Variants in ADAM22 observed in about 807,000 individuals in gnomAD.
ADAM22 encodes ADAM metallopeptidase domain 22.
In ADAM22, 65 loss-of-function variants were observed where a neutral mutation model predicts 144.6. The ratio of observed to expected loss-of-function variants is 0.45; its 90% confidence interval spans 0.37 to 0.55. The LOEUF (loss-of-function observed/expected upper bound fraction) is 0.55. Ranked by LOEUF, ADAM22 falls within the 20% of genes least tolerant of loss-of-function variation. The pLI is 0.00. For missense variants in ADAM22, 974 were observed against 1,184.9 expected (o/e 0.82, Z 2.61); for synonymous variants, 391 against 412.6 (o/e 0.95, Z 0.63).
intron 3 of ADAM22, among the ~76,000 whole-genome samples, chr7:88,022,364 A>G (rs1343628912): frequency 1.3e-5 from 2 of 152,196 alleles, no homozygotes; most frequent in Non-Finnish European, 2.9e-5. Flanking sequence ...GCAAACTAAA[A>G]TTCAATGTTT....
Position 88,075,586 on chromosome 7 carries a change from T to C in ADAM22, c.324-40T>C, listed in dbSNP as rs185091594. The C allele has an allele frequency of 6.8e-3, 10,701 of 1,572,276 alleles. 61 individuals are homozygous for C. Among genetic ancestry groups the C allele is most frequent in the Non-Finnish European group, 8.6e-3 (9,780 of 1,143,040 alleles). On this transcript the variant is annotated intron_variant, in intron 3 of 31. Coordinates refer to ENST00000413139, the MANE Select transcript of ADAM22 (RefSeq NM_001324418.2). ...TCCTGATTTTCGTGTTTTACATTTT[T>C]GGGATCCTCTTTAGTCATCATTTAT... is the stretch of plus-strand genomic sequence containing the variant.
rs1333646080 is a variant in ADAM22, at chr7:88,199,201, A to T, written c.*2710A>T. ...TTTTGGAGAGAAACTTTGAGGCCGT[A>T]TCACAGTTTATATCATGCAACTAAT... is the stretch of plus-strand genomic sequence containing the variant. On this transcript the variant is annotated 3_prime_UTR_variant, in exon 32 of 32. Coordinates refer to ENST00000413139, the MANE Select transcript of ADAM22 (RefSeq NM_001324418.2). 6.6e-6 allele frequency: 1 copy of T among 152,228 alleles called. No individual in the cohort carries two copies. The highest frequency in any genetic ancestry group is 2.4e-5 in the African/African-American group (1 of 41,460). 9.4% of individuals were successfully genotyped at this position (152,228 alleles called of 1,614,324 possible). A position where few individuals can be genotyped will look rare whatever the true frequency, so the allele number is the denominator to read the frequency against.
intron 2 of ADAM22, among the ~76,000 whole-genome samples, chr7:87,974,386 G>A (rs751031015): frequency 7.9e-5 from 12 of 152,098 alleles, no homozygotes; most frequent in Non-Finnish European, 1.8e-4. Context: ...CAGAAACATG[G>A]GGAAGGTAGG....
chr7:88,077,835 A>G (rs964761590), intron 4 of ADAM22, among the ~76,000 whole-genome samples: 6 of 152,198 alleles, frequency 3.9e-5, no homozygotes, highest in South Asian at 2.1e-4. Context: ...TAGGTAAACA[A>G]AGCAGCCCAG....
intron 7 of ADAM22, among the ~76,000 whole-genome samples, chr7:88,122,004 G>A (rs1829423214): frequency 6.6e-6 from 1 of 152,148 alleles, no homozygotes; most frequent in South Asian, 2.1e-4. Flanking sequence ...AGTTTCTGTG[G>A]ATCAGGAGTC....
intron 2 of ADAM22, among the ~76,000 whole-genome samples, chr7:87,953,541 T>C (rs1183714400): frequency 2.1e-4 from 32 of 149,778 alleles, no homozygotes; most frequent in South Asian, 4.2e-4. Flanking sequence ...TTACATTTGC[T>C]GAGGAGAGCT....
chr7:88,052,290 GA>G (rs1806662761), intron 3 of ADAM22, among the ~76,000 whole-genome samples: 1 of 149,502 alleles, frequency 6.7e-6, no homozygotes, highest in Admixed American at 6.7e-5. Context: ...GAGGTCAGGA[GA>G]TCGAGACCAT....
intron 4 of ADAM22, among the ~76,000 whole-genome samples, chr7:88,097,151 CT>C (rs1169759079): frequency 1.0e-3 from 135 of 129,192 alleles, no homozygotes; most frequent in East Asian, 1.6e-3. Flanking sequence ...TTTTTCTTTT[CT>C]TTTTTTTTTT....
chr7:88,054,500 C>G (rs1193131073), intron 3 of ADAM22, among the ~76,000 whole-genome samples: 1 of 151,984 alleles, frequency 6.6e-6, no homozygotes, highest in Non-Finnish European at 1.5e-5. Flanking sequence ...TCAGATCTAT[C>G]ATACATTCAT....
chr7:88,029,110 G>T (rs1429722526), intron 3 of ADAM22, among the ~76,000 whole-genome samples: 2 of 151,662 alleles, frequency 1.3e-5, no homozygotes, highest in African/African-American at 2.4e-5. Flanking sequence ...ATAAATAAGG[G>T]CTTATTTCTG....
At chr7:88,161,902 T>G (rs1428042464) in intron 22 of ADAM22, among the ~76,000 whole-genome samples, 2 of 152,040 alleles carry the variant, frequency 1.3e-5, no homozygotes, top group Non-Finnish European at 2.9e-5. Flanking sequence ...AGTGTGGCGA[T>G]TCTTCAAAGA....
chr7:88,146,436 C>A (rs1366722143), intron 17 of ADAM22, among the ~76,000 whole-genome samples: 1 of 152,198 alleles, frequency 6.6e-6, no homozygotes, highest in Admixed American at 6.5e-5. Context: ...ATCTGAATTT[C>A]TCAACTCTGG....
At chr7:88,092,051 G>A (rs1310925197) in intron 4 of ADAM22, among the ~76,000 whole-genome samples, 1 of 151,908 alleles carries the variant, frequency 6.6e-6, no homozygotes, top group Admixed American at 6.6e-5. Context: ...CAGCACAGGG[G>A]AGCACCATCG....
Position 87,935,035 on chromosome 7 carries a change from C to T in ADAM22, c.95C>T (p.Ser32Leu), listed in dbSNP as rs373421461. The T allele has an allele frequency of 6.0e-5, 97 of 1,614,048 alleles. No homozygotes were observed. Among genetic ancestry groups the T allele is most frequent in the Non-Finnish European group, 7.2e-5 (85 of 1,180,048 alleles). Residue 32 changes from serine (S) to leucine (L), a missense_variant, in exon 2 of 32, where the codon TCA (serine) becomes TTA (leucine). This residue lies in a region of ADAM22 where 240 missense variants were observed against 234.3 expected (regional missense o/e 1.02). Coordinates refer to ENST00000413139, the MANE Select transcript of ADAM22 (RefSeq NM_001324418.2). ...CGGTTCCTGCCTGGAGGAGACGCCT[C>T]ATTGATGGAGCTAGAGAAGAGGAAG... The part of the protein sequence containing the change: ...PARCGQAGDA[S>L]LMELEKRKEN...
chr7:88,168,043 GTGT>G, intron 24 of ADAM22, 91 bp from the exon 25 acceptor site: 3 of 956,896 alleles, frequency 3.1e-6, no homozygotes, highest in Non-Finnish European at 4.8e-6. Context: ...AAAACAAACA[GTGT>G]TGTTAGTGTG....
intron 14 of ADAM22, among the ~76,000 whole-genome samples, chr7:88,138,018 G>C (rs558647170): frequency 1.3e-5 from 2 of 152,172 alleles, no homozygotes; most frequent in East Asian, 3.9e-4. Context: ...ACCAGTCGTG[G>C]TGGCACACAC....
At chr7:88,004,788 A>G (rs1436068885) in intron 3 of ADAM22, among the ~76,000 whole-genome samples, 2 of 152,222 alleles carry the variant, frequency 1.3e-5, no homozygotes, top group Non-Finnish European at 2.9e-5. Context: ...GGGACAGTGA[A>G]TGATCTTAAA....
At chr7:87,997,491 G>A (rs942492124) in intron 3 of ADAM22, among the ~76,000 whole-genome samples, 3 of 152,222 alleles carry the variant, frequency 2.0e-5, no homozygotes, top group Non-Finnish European at 2.9e-5. Context: ...TCTGGTCTAC[G>A]CTTCTTTGTA....
At chr7:88,177,171 A>T (rs1845889082) in intron 26 of ADAM22, among the ~76,000 whole-genome samples, 1 of 152,164 alleles carries the variant, frequency 6.6e-6, no homozygotes, top group African/African-American at 2.4e-5. Context: ...AGATATTATT[A>T]TTGGAAATGT....
Sources: gnomAD v4.1 joint callset for allele counts (sites outside exome capture counted in the v4.1 genomes callset) on GRCh38, gnomAD v4.1.1 for gene constraint, gnomAD v4.1.1 regional missense constraint, MANE v1.5 for transcripts, NCBI Gene and HGNC (gene_info 2026-07-23, HGNC 2026-07-21) for gene names.